Variants in PCED1B observed in about 807,000 individuals in gnomAD.
PCED1B encodes PC-esterase domain-containing protein 1B.
For missense variants in PCED1B, 573 were observed against 573.9 expected (o/e 1.00, Z 0.02); for synonymous variants, 251 against 246.1 (o/e 1.02, Z -0.19).
At chr12:47,148,015 T>G (rs1323520087) in intron 2 of PCED1B, among the ~76,000 whole-genome samples, 2 of 152,232 alleles carry the variant, frequency 1.3e-5, no homozygotes, top group Non-Finnish European at 2.9e-5. Context: ...GGAAATTTAT[T>G]TCTCATAGTT....
chr12:47,230,797 T>A (rs1943783651), intron 3 of PCED1B, among the ~76,000 whole-genome samples: 1 of 152,230 alleles, frequency 6.6e-6, no homozygotes, highest in African/African-American at 2.4e-5. Context: ...TGGAGCATCA[T>A]GTTGGCTCTC....
chr12:47,217,466 GAA>G (rs1385548530), intron 3 of PCED1B, among the ~76,000 whole-genome samples: 2 of 70,568 alleles, frequency 2.8e-5, no homozygotes, highest in African/African-American at 1.7e-4. Flanking sequence ...GAAAAAGAAA[GAA>G]AGAGAAAGAA....
chr12:47,158,009 G>A (rs1186246253), intron 2 of PCED1B, among the ~76,000 whole-genome samples: 1 of 152,168 alleles, frequency 6.6e-6, no homozygotes, highest in Non-Finnish European at 1.5e-5. Context: ...TCAATTGTAT[G>A]TATGTACCAC....
At chr12:47,193,801 T>A (rs1252683685) in intron 2 of PCED1B, among the ~76,000 whole-genome samples, 1 of 152,234 alleles carries the variant, frequency 6.6e-6, no homozygotes, top group African/African-American at 2.4e-5. Context: ...GCTGTTCATC[T>A]GTTTTAAGAT....
intron 2 of PCED1B, among the ~76,000 whole-genome samples, chr12:47,131,504 T>G (rs1233503536): frequency 6.6e-6 from 1 of 152,110 alleles, no homozygotes; most frequent in East Asian, 1.9e-4. Context: ...TCATCAGTAG[T>G]GGCTGGAATT....
intron 2 of PCED1B, among the ~76,000 whole-genome samples, chr12:47,111,581 C>A (rs560780224): frequency 5.9e-5 from 9 of 151,994 alleles, no homozygotes; most frequent in African/African-American, 1.7e-4. Context: ...TAAAAAAAAA[C>A]CTCCTAATTC....
intron 3 of PCED1B, among the ~76,000 whole-genome samples, chr12:47,225,562 A>T (rs992337764): frequency 2.6e-5 from 4 of 152,360 alleles, no homozygotes; most frequent in African/African-American, 9.6e-5. Flanking sequence ...ATGCTGACAT[A>T]GATAAATTAT....
At chr12:47,163,245 GAA>G (rs1941445581) in intron 2 of PCED1B, among the ~76,000 whole-genome samples, 1 of 152,110 alleles carries the variant, frequency 6.6e-6, no homozygotes, top group African/African-American at 2.4e-5. Context: ...AAATGCAACT[GAA>G]TTTTGTGCAT....
intron 3 of PCED1B, among the ~76,000 whole-genome samples, chr12:47,226,428 C>T (rs902076429): frequency 6.6e-6 from 1 of 152,192 alleles, no homozygotes; most frequent in Non-Finnish European, 1.5e-5. Context: ...GCCTGGAGTG[C>T]ATTGGTGGGA....
rs543800925 is a variant in PCED1B, at chr12:47,200,571, T to A, written c.-525-15651T>A. On this transcript the variant is annotated intron_variant, in intron 2 of 3. Coordinates refer to ENST00000546455, the MANE Select transcript of PCED1B (RefSeq NM_138371.3). Reference sequence around the variant, plus strand: ...AGTTAAACATAGTCTTAACATAGAATCCAGCAATCGTACTCCCATTTACCC... The same window carrying A: ...AGTTAAACATAGTCTTAACATAGAAACCAGCAATCGTACTCCCATTTACCC... Among the ~76,000 whole-genome samples, 5 of 152,288 alleles carry A rather than the reference T, an allele frequency of 3.3e-5. No individual in the cohort carries two copies. In the South Asian group the frequency reaches 1.0e-3, roughly 32 times the overall value.
At chr12:47,208,405 T>G (rs1379406739) in intron 2 of PCED1B, 1 of 152,244 alleles carries the variant, frequency 6.6e-6, no homozygotes, top group East Asian at 1.9e-4. Context: ...GCTAATTTTT[T>G]ATTTTTATTT....
chr12:47,085,379 G>A (rs888239008), intron 1 of PCED1B, among the ~76,000 whole-genome samples: 1 of 152,200 alleles, frequency 6.6e-6, no homozygotes, highest in African/African-American at 2.4e-5. Flanking sequence ...AGTGAATGAC[G>A]TCAGTCCCAT....
chr12:47,079,895 C>G (rs12320642), intron 1 of PCED1B, 170 bp downstream of exon 1: 146,471 of 151,060 alleles, frequency 0.97, 71,045 homozygotes, highest in East Asian at 1. Flanking sequence ...GGCCGGGAGA[C>G]GGGCTGGGGC....
At chr12:47,203,472 C>A (rs964747929) in intron 2 of PCED1B, among the ~76,000 whole-genome samples, 1 of 152,112 alleles carries the variant, frequency 6.6e-6, no homozygotes, top group Non-Finnish European at 1.5e-5. Flanking sequence ...CAACTCTCAC[C>A]CTCCGACAGG....
At chr12:47,084,715 G>A (rs1204364801) in intron 1 of PCED1B, among the ~76,000 whole-genome samples, 1 of 152,126 alleles carries the variant, frequency 6.6e-6, no homozygotes, top group Non-Finnish European at 1.5e-5. Context: ...ATGTGGTTGT[G>A]GGGACCAAAG....
intron 2 of PCED1B, among the ~76,000 whole-genome samples, chr12:47,173,563 T>TA (rs139073418): frequency 0.016 from 2,367 of 152,240 alleles, 61 homozygotes; most frequent in African/African-American, 0.054. Context: ...GTTAGCTCCT[T>TA]AATTCTGTAC....
chr12:47,150,855 A>C (rs1940966344), intron 2 of PCED1B, among the ~76,000 whole-genome samples: 1 of 152,316 alleles, frequency 6.6e-6, no homozygotes, highest in East Asian at 1.9e-4. Context: ...GGCTTAGGCC[A>C]TGTGGAAAGG....
At chr12:47,132,605 A>G (rs11608576) in intron 2 of PCED1B, among the ~76,000 whole-genome samples, 1 of 152,166 alleles carries the variant, frequency 6.6e-6, no homozygotes, top group African/African-American at 2.4e-5. Context: ...TAGCCATTGT[A>G]CTATGTGTAA....
chr12:47,176,575 T>C (rs995873117), intron 2 of PCED1B, among the ~76,000 whole-genome samples: 1 of 152,244 alleles, frequency 6.6e-6, no homozygotes, highest in Non-Finnish European at 1.5e-5. Context: ...GGCTGTTCAT[T>C]TGTATCTCTT....
Sources: gnomAD v4.1 joint callset for allele counts (sites outside exome capture counted in the v4.1 genomes callset) on GRCh38, gnomAD v4.1.1 for gene constraint, MANE v1.5 for transcripts, NCBI Gene and HGNC (gene_info 2026-07-23, HGNC 2026-07-21) for gene names.